The following USP45 variants were observed in gnomAD, a reference collection of about 807,000 sequenced individuals.
USP45 encodes the protein ubiquitin specific peptidase 45.
USP45 carries 89 observed loss-of-function variants against 95.8 expected under a neutral mutation model. That is an observed-to-expected ratio of 0.93 (90% CI 0.78 to 1.11). The LOEUF (loss-of-function observed/expected upper bound fraction) is 1.11, where lower values mean the gene tolerates loss of function less well. USP45 is among the 50% of genes least tolerant of loss of function. The pLI is 0.00. For missense variants in USP45, 898 were observed against 942.5 expected (o/e 0.95, Z 0.62); for synonymous variants, 281 against 316.2 (o/e 0.89, Z 1.18).
At chr6:99,438,709 C>T (rs1400428910) in intron 16 of USP45, among the ~76,000 whole-genome samples, 1 of 152,074 alleles carries the variant, frequency 6.6e-6, no homozygotes, top group African/African-American at 2.4e-5. Flanking sequence ...GGGAGCAATT[C>T]TTATCTGTTA....
chr6:99,497,900 C>T lies in USP45; in HGVS notation c.478+5865G>A, dbSNP rs146321073. On this transcript the variant is annotated intron_variant, in intron 5 of 17. Coordinates refer to ENST00000500704, the MANE Select transcript of USP45 (RefSeq NM_001346022.3). ...AGCTATTTTCTTTGCCTGGAACACA[C>T]AATCTGTTCCCTTTTTGCCCAGATA... 6.5e-3 allele frequency among the ~76,000 whole-genome samples: 991 copies of T among 152,298 alleles called. 14 individuals are homozygous for T. The highest frequency in any genetic ancestry group is 0.023 in the African/African-American group (939 of 41,558).
At position 99,450,012 on chromosome 6, in the gene USP45, A is replaced by G. The variant is rs187254229; in HGVS notation, c.1309-3549T>C. ...ACAAAGACACAACATACCAGAATCT[A>G]TGGGACACATTTAAAGCAGTGTGTA... On this transcript the variant is annotated intron_variant, in intron 13 of 17. Coordinates refer to ENST00000500704, the MANE Select transcript of USP45 (RefSeq NM_001346022.3). Among the ~76,000 whole-genome samples the G allele has an allele frequency of 1.8e-3, 268 of 152,250 alleles. 1 individual carries two copies. The highest frequency in any genetic ancestry group is 5.4e-3 in the East Asian group (28 of 5,186).
chr6:99,467,867 T>G (rs2128639327), intron 10 of USP45, among the ~76,000 whole-genome samples: 1 of 152,084 alleles, frequency 6.6e-6, no homozygotes, highest in East Asian at 1.9e-4. Context: ...AAAACAAAAG[T>G]TAGAAAAAAA....
chr6:99,460,699 T>C, intron 13 of USP45: 3 of 787,284 alleles, frequency 3.8e-6, no homozygotes, highest in Non-Finnish European at 4.6e-6. Context: ...ATTGGTAAAA[T>C]AATAGAAAGA....
chr6:99,502,078 A>G, intron 5 of USP45: 2 of 1,239,834 alleles, frequency 1.6e-6, no homozygotes, highest in Non-Finnish European at 2.1e-6. Flanking sequence ...CAATATGGCC[A>G]ATGATTCAAT....
chr6:99,512,421 C>T (rs1800091766), intron 1 of USP45, among the ~76,000 whole-genome samples: 1 of 152,100 alleles, frequency 6.6e-6, no homozygotes, highest in African/African-American at 2.4e-5. Flanking sequence ...TGTTATTTAC[C>T]TCTATCCCTT....
At chr6:99,438,152 A>G (rs142484939) in intron 16 of USP45, among the ~76,000 whole-genome samples, 2 of 152,332 alleles carry the variant, frequency 1.3e-5, no homozygotes, top group African/African-American at 2.4e-5. Context: ...GACTGGTTGA[A>G]TAAACTATGA....
At position 99,434,077 on chromosome 6, in the gene USP45, TAA is replaced by T. The variant is rs1256416381; in HGVS notation, c.*1637_*1638del. The T allele has an allele frequency of 4.6e-5, 7 of 152,170 alleles. No homozygotes were observed. Among genetic ancestry groups the T allele is most frequent in the Non-Finnish European group, 1.0e-4 (7 of 68,012 alleles). The allele number at this position is 152,170 out of a possible 1,614,324, so 9.4% of individuals were successfully genotyped here. A position where few individuals can be genotyped will look rare whatever the true frequency, so the allele number is the denominator to read the frequency against. ...CACAGCCTGACTTTGCAGATTAACT[TAA>T]AGATATATTTCTTGATTATTTCACT... On this transcript the variant is annotated 3_prime_UTR_variant, in exon 18 of 18. Transcript: ENST00000500704.
chr6:99,492,939 A>G (rs143227011), intron 5 of USP45, among the ~76,000 whole-genome samples: 71 of 152,352 alleles, frequency 4.7e-4, no homozygotes, highest in African/African-American at 7.5e-4. Context: ...ATGAACCACT[A>G]TAACTGTTTA....
intron 4 of USP45, 121 bp from the exon 5 acceptor site, chr6:99,503,986 G>C: frequency 1.6e-6 from 1 of 610,540 alleles, no homozygotes; most frequent in Admixed American, 3.2e-5. Context: ...GGAATACAAA[G>C]GGGAAGCCAC....
At chr6:99,447,950 T>A (rs1191834729) in intron 13 of USP45, among the ~76,000 whole-genome samples, 1 of 152,160 alleles carries the variant, frequency 6.6e-6, no homozygotes, top group East Asian at 1.9e-4. Context: ...GGAGTGGACC[T>A]CCAGCAAACT....
chr6:99,437,445 A>C (rs1196542462), intron 16 of USP45, 46 bp from the exon 17 acceptor site: 4 of 1,531,678 alleles, frequency 2.6e-6, no homozygotes. Flanking sequence ...TTTGTTAAAT[A>C]CTGTTTTAAG....
intron 9 of USP45, among the ~76,000 whole-genome samples, chr6:99,473,645 C>T (rs890766498): frequency 6.6e-6 from 1 of 151,298 alleles, no homozygotes; most frequent in East Asian, 1.9e-4. Flanking sequence ...ATCCCAGCTA[C>T]TCGGGAGGCT....
rs75064329 is a variant in USP45, at chr6:99,500,500, A to T, written c.478+3265T>A. Among the ~76,000 whole-genome samples, 1,006 of 152,290 alleles carry T rather than the reference A, an allele frequency of 6.6e-3. 9 individuals carry two copies. Among genetic ancestry groups the T allele is most frequent in the Middle Eastern group, 0.034 (10 of 294 alleles). On this transcript the variant is annotated intron_variant, in intron 5 of 17. Coordinates refer to ENST00000500704, the MANE Select transcript of USP45 (RefSeq NM_001346022.3). ...TCTTATAATACTTATTCAAGAAATC[A>T]GTAAAATTGAATGAAAATCAGACTG... is the stretch of plus-strand genomic sequence containing the variant.
At chr6:99,455,204 G>A (rs1213417231) in intron 13 of USP45, among the ~76,000 whole-genome samples, 1 of 152,124 alleles carries the variant, frequency 6.6e-6, no homozygotes. Context: ...CACTTTGGGA[G>A]ACTGAGGTGG....
chr6:99,447,006 AG>A (rs1320931208), intron 13 of USP45, among the ~76,000 whole-genome samples: 1 of 152,250 alleles, frequency 6.6e-6, no homozygotes, highest in Non-Finnish European at 1.5e-5. Flanking sequence ...GGCTTCCCAA[AG>A]GAGACTTTTC....
chr6:99,475,908 T>A (rs868114909), intron 9 of USP45, among the ~76,000 whole-genome samples: 2 of 152,248 alleles, frequency 1.3e-5, no homozygotes, highest in Middle Eastern at 3.4e-3. Flanking sequence ...CACTGCAACC[T>A]CTGCTTCCTG....
chr6:99,450,845 T>C (rs1257910915), intron 13 of USP45, among the ~76,000 whole-genome samples: 1 of 152,154 alleles, frequency 6.6e-6, no homozygotes, highest in Admixed American at 6.5e-5. Context: ...CATGATCAAG[T>C]GGGCTTCATC....
In USP45 at chr6:99,483,120, A is replaced by G. The variant is rs116630510; in HGVS notation, c.715-237T>C. Among the ~76,000 whole-genome samples, 659 of 152,290 alleles carry G rather than the reference A, an allele frequency of 4.3e-3. 2 individuals carry two copies. The highest frequency in any genetic ancestry group is 0.015 in the African/African-American group (635 of 41,566). On this transcript the variant is annotated intron_variant, in intron 7 of 17. Transcript: ENST00000500704. ...CTTAATAAAACTATTAGATCAAATG[A>G]TATCACCAATCTTTAGTTGCTTGTC... is the stretch of plus-strand genomic sequence containing the variant.
Sources: gnomAD v4.1 joint callset for allele counts (sites outside exome capture counted in the v4.1 genomes callset) on GRCh38, gnomAD v4.1.1 for gene constraint, MANE v1.5 for transcripts, NCBI Gene and HGNC (gene_info 2026-07-23, HGNC 2026-07-21) for gene names.